Variants in SLC6A17 observed in about 807,000 individuals in gnomAD.
SLC6A17 encodes the protein sodium-dependent neutral amino acid transporter SLC6A17.
SLC6A17 carries 21 observed loss-of-function variants against 64.5 expected under a neutral mutation model. The observed-to-expected ratio is 0.33, with a 90% CI of 0.23 to 0.47. The LOEUF is 0.47. SLC6A17 is among the 20% of genes least tolerant of loss of function. SLC6A17 has a pLI of 1.00. For synonymous variants in SLC6A17, 372 were observed against 399.5 expected, an observed-to-expected ratio of 0.93 and a Z score of 0.82; for missense variants, 682 against 963.2, an observed-to-expected ratio of 0.71 and a Z score of 3.86.
At chr1:110,171,428 T>C (rs1017824790) in intron 2 of SLC6A17, among the ~76,000 whole-genome samples, 1 of 152,228 alleles carries the variant, frequency 6.6e-6, no homozygotes, top group African/African-American at 2.4e-5. Context: ...AGACCCATTC[T>C]ATCCTTTATG....
At chr1:110,163,542 A>T (rs1294747802) in intron 1 of SLC6A17, among the ~76,000 whole-genome samples, 1 of 152,032 alleles carries the variant, frequency 6.6e-6, no homozygotes, top group African/African-American at 2.4e-5. Context: ...TCCCTGGGAG[A>T]TGGGAGCCAT....
At chr1:110,178,442 T>C (rs1656429285) in intron 6 of SLC6A17, among the ~76,000 whole-genome samples, 1 of 152,212 alleles carries the variant, frequency 6.6e-6, no homozygotes, top group Non-Finnish European at 1.5e-5. Context: ...AACACATATC[T>C]AATAATAGAA....
At chr1:110,195,767 G>C in intron 10 of SLC6A17, 22 bp downstream of exon 10, 1 of 1,613,798 alleles carries the variant, frequency 6.2e-7, no homozygotes, top group Non-Finnish European at 8.5e-7. Flanking sequence ...ATGGGGGAAA[G>C]GTGGGATGGG....
At chr1:110,194,800 C>G in intron 9 of SLC6A17, 29 bp downstream of exon 9, 1 of 1,607,284 alleles carries the variant, frequency 6.2e-7, no homozygotes, top group Non-Finnish European at 8.5e-7. Context: ...CATGCCCAGG[C>G]TCTGCAGGCT....
Position 110,201,615 on chromosome 1 carries a change from A to G in SLC6A17, c.*3171A>G, listed in dbSNP as rs967423655. On this transcript the variant is annotated 3_prime_UTR_variant, in exon 12 of 12. Coordinates refer to ENST00000331565, the MANE Select transcript of SLC6A17 (RefSeq NM_001010898.4). ...CACATCAGTTAATGCCAGTGAGGTC[A>G]GCTTCTGCCCTCCAGCAATACATGT... 6.6e-6 allele frequency: 1 copy of G among 152,224 alleles called. No individual in the cohort carries two copies. The highest frequency in any genetic ancestry group is 1.5e-5 in the Non-Finnish European group (1 of 68,068). 9.4% of individuals were successfully genotyped at this position (152,224 alleles called of 1,614,324 possible). A position where few individuals can be genotyped will look rare whatever the true frequency, so the allele number is the denominator to read the frequency against.
chr1:110,192,610 A>T lies in SLC6A17; in HGVS notation c.1211A>T (p.Glu404Val), dbSNP rs1451396641. 1 of 1,614,044 alleles carries T rather than the reference A, an allele frequency of 6.2e-7. No individual in the cohort carries two copies. Among genetic ancestry groups the T allele is most frequent in the Non-Finnish European group, 8.5e-7 (1 of 1,180,026 alleles). Residue 404 changes from glutamate (E) to valine (V), a missense_variant, in exon 8 of 12, where the codon GAG becomes GTG. Transcript: ENST00000331565. The surrounding 1 kb of genome is among the most constrained non-coding windows in gnomAD (Gnocchi z 4.3). ...FSHLTTKDYM[E>V]MYNVIMTVKE... ...CACCTGACCACAAAGGACTACATGG[A>T]GATGTACAATGTCATCATGACCGTG... is the stretch of plus-strand genomic sequence containing the variant.
chr1:110,158,048 A>G (rs765115206), intron 1 of SLC6A17, among the ~76,000 whole-genome samples: 2 of 152,176 alleles, frequency 1.3e-5, no homozygotes, highest in Admixed American at 6.5e-5. Flanking sequence ...GATATAGTGT[A>G]TGTTTATATG....
At chr1:110,187,510 A>G (rs545006037) in intron 6 of SLC6A17, among the ~76,000 whole-genome samples, 5 of 152,398 alleles carry the variant, frequency 3.3e-5, no homozygotes, top group African/African-American at 1.2e-4. Flanking sequence ...CATGATGTAC[A>G]GAGAAACCTT....
In SLC6A17 at chr1:110,200,041, G is replaced by A. The variant is rs1359908205; in HGVS notation, c.*1597G>A. ...ACTGGCTCCATCTTTGAGAGCTCTG[G>A]TGGGCAGGGCAGAAACAGGCCACAG... On this transcript the variant is annotated 3_prime_UTR_variant, in exon 12 of 12. Transcript: ENST00000331565. 1 of 398,430 alleles carries A rather than the reference G, an allele frequency of 2.5e-6. No homozygotes were observed. Among genetic ancestry groups the A allele is most frequent in the African/African-American group, 2.1e-5 (1 of 48,574 alleles). The allele number at this position is 398,430 out of a possible 1,614,324, so 24.7% of individuals were successfully genotyped here.
At chr1:110,152,156 T>G (rs61784477) in intron 1 of SLC6A17, among the ~76,000 whole-genome samples, 62,548 of 152,088 alleles carry the variant, frequency 0.41, 14,725 homozygotes, top group Non-Finnish European at 0.54. Flanking sequence ...CATGGCTCTG[T>G]GAGGCGGACC....
chr1:110,170,408 C>A (rs943173662), intron 2 of SLC6A17, among the ~76,000 whole-genome samples: 3 of 152,242 alleles, frequency 2.0e-5, no homozygotes, highest in Middle Eastern at 3.4e-3. Context: ...GGTGTGAACC[C>A]GGGAGGCAGA....
rs139036353 is a variant in SLC6A17 at position 110,198,351 on chromosome 1, C to T, written c.2091C>T (p.Pro697=). The T allele has an allele frequency of 2.4e-5, 38 of 1,614,036 alleles. No homozygotes were observed. The highest frequency in any genetic ancestry group is 1.2e-4 in the Admixed American group (7 of 60,008). ...CCACTCACCGTTCCTATCTGGGGCCCGGCAGCACATCACCCCTGGAGACCA... is the reference window on the plus strand; with the variant it reads ...CCACTCACCGTTCCTATCTGGGGCCTGGCAGCACATCACCCCTGGAGACCA... ...PMPTHRSYLG[P]GSTSPLETSG... Residue 697 remains proline (P), a synonymous_variant, in exon 12 of 12, where the codon CCC becomes CCT. Coordinates refer to ENST00000331565, the MANE Select transcript of SLC6A17 (RefSeq NM_001010898.4).
rs1657143458 is a variant in SLC6A17 at position 110,202,079 on chromosome 1, T to C, written c.*3635T>C. On this transcript the variant is annotated 3_prime_UTR_variant, in exon 12 of 12. Coordinates refer to ENST00000331565, the MANE Select transcript of SLC6A17 (RefSeq NM_001010898.4). ...GAACAATTCAAGTCCATGTGTCCCA[T>C]GGCTGGTCAGAGCCCTGGGTCAAAA... 2 of 152,356 alleles carry C rather than the reference T, an allele frequency of 1.3e-5. No individual in the cohort carries two copies. The highest frequency in any genetic ancestry group is 2.9e-5 in the Non-Finnish European group (2 of 68,078). The allele number at this position is 152,356 out of a possible 1,614,324, so 9.4% of individuals were successfully genotyped here.
chr1:110,154,681 G>T (rs765980125), intron 1 of SLC6A17, among the ~76,000 whole-genome samples: 1 of 152,180 alleles, frequency 6.6e-6, no homozygotes, highest in Non-Finnish European at 1.5e-5. Context: ...GGGTTCGTGT[G>T]TAGAGCAGTG....
At chr1:110,153,107 C>T (rs1032488757) in intron 1 of SLC6A17, among the ~76,000 whole-genome samples, 1 of 152,146 alleles carries the variant, frequency 6.6e-6, no homozygotes, top group Admixed American at 6.5e-5. Flanking sequence ...CCTTGGCCAC[C>T]TGCAACAGCT....
At chr1:110,173,893 GTGCT>G in intron 3 of SLC6A17, 76 bp from the exon 4 acceptor site, 1 of 1,558,116 alleles carries the variant, frequency 6.4e-7, no homozygotes, top group South Asian at 1.2e-5. Context: ...CGCTGCCGAC[GTGCT>G]GGGCCTCGGG....
intron 6 of SLC6A17, among the ~76,000 whole-genome samples, chr1:110,182,789 A>G (rs1362482406): frequency 1.3e-5 from 2 of 152,048 alleles, no homozygotes; most frequent in African/African-American, 4.8e-5. Flanking sequence ...GTCACTAGTG[A>G]CCTCAACAAG....
intron 6 of SLC6A17, among the ~76,000 whole-genome samples, chr1:110,180,002 A>G (rs571921527): frequency 6.6e-6 from 1 of 152,298 alleles, no homozygotes; most frequent in East Asian, 1.9e-4. Context: ...AATTTCAGCT[A>G]CTTGGGAGGC....
intron 1 of SLC6A17, among the ~76,000 whole-genome samples, chr1:110,160,640 C>T (rs1655881557): frequency 6.6e-6 from 1 of 152,170 alleles, no homozygotes; most frequent in South Asian, 2.1e-4. Flanking sequence ...AAGGGCAGAG[C>T]GTTAATGCTC....
Sources: allele counts gnomAD v4.1 joint callset (sites outside exome capture counted in the v4.1 genomes callset), GRCh38; gene constraint gnomAD v4.1.1; non-coding constraint Gnocchi (gnomAD v3.1); transcripts MANE v1.5; gene names NCBI Gene and HGNC (gene_info 2026-07-23, HGNC 2026-07-21).